Variants in AGMO observed in about 807,000 individuals in gnomAD.
The protein encoded by AGMO is alkylglycerol monooxygenase, also known as glyceryl-ether monooxygenase.
In AGMO, 75 loss-of-function variants were observed where a neutral mutation model predicts 60.2. The ratio of observed to expected loss-of-function variants is 1.25; its 90% CI spans 1.03 to 1.51. The LOEUF (loss-of-function observed/expected upper bound fraction) is 1.51. Ranked by LOEUF, AGMO falls within the 40% of genes most tolerant of loss-of-function variation. The pLI is 0.00. For missense variants in AGMO, 763 were observed against 525.5 expected, an observed-to-expected ratio of 1.45 and a Z score of -4.42; for synonymous variants, 261 against 177.1, an observed-to-expected ratio of 1.47 and a Z score of -3.76.
At chr7:15,526,364 T>C (rs372070985) in intron 3 of AGMO, among the ~76,000 whole-genome samples, 3 of 152,258 alleles carry the variant, frequency 2.0e-5, no homozygotes, top group African/African-American at 4.8e-5. Context: ...TTCTTTTTGC[T>C]GACTCCAAGT....
intron 5 of AGMO, among the ~76,000 whole-genome samples, chr7:15,417,292 T>C (rs1179844766): frequency 6.6e-6 from 1 of 152,132 alleles, no homozygotes; most frequent in Non-Finnish European, 1.5e-5. Flanking sequence ...GTCTCACCAG[T>C]GGCTTTTCTC....
At chr7:15,393,021 G>A (rs973208250) in intron 6 of AGMO, among the ~76,000 whole-genome samples, 1 of 152,210 alleles carries the variant, frequency 6.6e-6, no homozygotes, top group Non-Finnish European at 1.5e-5. Flanking sequence ...GGCTATATGG[G>A]TTCTCAAGGT....
At chr7:15,493,320 G>T (rs1339577173) in intron 3 of AGMO, among the ~76,000 whole-genome samples, 3 of 119,192 alleles carry the variant, frequency 2.5e-5, no homozygotes, top group East Asian at 4.7e-4. Context: ...ACACACACGC[G>T]CACAAACACA....
chr7:15,343,431 A>T (rs74875415), intron 12 of AGMO, among the ~76,000 whole-genome samples: 5,996 of 152,252 alleles, frequency 0.039, 166 homozygotes, highest in Middle Eastern at 0.075. Flanking sequence ...GACAGCCCCA[A>T]ATCTTAGGAT....
intron 10 of AGMO, among the ~76,000 whole-genome samples, chr7:15,373,631 A>C (rs752114660): frequency 5.9e-5 from 9 of 152,188 alleles, no homozygotes; most frequent in East Asian, 1.9e-4. Context: ...TCCACCAAAC[A>C]AACCTCACAA....
chr7:15,168,797 T>C, the AGMO span, among the ~76,000 whole-genome samples: 1 of 152,174 alleles, frequency 6.6e-6, no homozygotes, highest in African/African-American at 2.4e-5. Context: ...AACAACAGAA[T>C]GAAGATGCTT....
At chr7:15,453,035 G>A (rs6461179) in intron 3 of AGMO, among the ~76,000 whole-genome samples, 122,482 of 152,016 alleles carry the variant, frequency 0.81, 50,232 homozygotes, top group African/African-American at 0.87. Flanking sequence ...CACAAAGACA[G>A]AAAGTAGATT....
At chr7:15,420,470 A>G (rs1780895194) in intron 4 of AGMO, among the ~76,000 whole-genome samples, 1 of 152,158 alleles carries the variant, frequency 6.6e-6, no homozygotes, top group Non-Finnish European at 1.5e-5. Flanking sequence ...ATTTCTAACA[A>G]AAAATATAGG....
At chr7:15,331,309 G>C (rs77588282) in intron 12 of AGMO, among the ~76,000 whole-genome samples, 215 of 152,194 alleles carry the variant, frequency 1.4e-3, no homozygotes, top group African/African-American at 5.0e-3. Flanking sequence ...TGATTATTAC[G>C]GCTTAAGCCA....
intron 12 of AGMO, among the ~76,000 whole-genome samples, chr7:15,237,753 C>A (rs986220381): frequency 1.3e-5 from 2 of 152,074 alleles, no homozygotes; most frequent in African/African-American, 4.8e-5. Context: ...CTCAGCTTGA[C>A]CAAAGTGTAG....
chr7:15,230,160 T>G (rs1387433157), intron 12 of AGMO, among the ~76,000 whole-genome samples: 3 of 151,864 alleles, frequency 2.0e-5, no homozygotes, highest in East Asian at 1.9e-4. Context: ...AGGAGGAAAA[T>G]AAGAAGAAAC....
the AGMO span, among the ~76,000 whole-genome samples, chr7:15,123,609 C>T: frequency 2.6e-5 from 4 of 152,008 alleles, no homozygotes; most frequent in Non-Finnish European, 5.9e-5. Context: ...ATAGCTACTC[C>T]TACTTTAAAA....
intron 10 of AGMO, among the ~76,000 whole-genome samples, chr7:15,368,396 G>A (rs945152451): frequency 6.6e-6 from 1 of 152,034 alleles, no homozygotes; most frequent in African/African-American, 2.4e-5. Flanking sequence ...GGTTTTGGCG[G>A]GGAAAAATTT....
chr7:15,454,706 C>A (rs10263272), intron 3 of AGMO, among the ~76,000 whole-genome samples: 23 of 151,950 alleles, frequency 1.5e-4, no homozygotes, highest in African/African-American at 5.6e-4. Context: ...GTGCATTTAA[C>A]CTAATTATAT....
chr7:15,394,824 A>C (rs1784304470), intron 5 of AGMO, among the ~76,000 whole-genome samples: 1 of 152,186 alleles, frequency 6.6e-6, no homozygotes, highest in African/African-American at 2.4e-5. Context: ...TTACCTTTAG[A>C]GGCATGGTCT....
Position 15,418,620 on chromosome 7 carries a change from G to C in AGMO, c.547C>G (p.Pro183Ala), listed in dbSNP as rs773104971. ...FYSPLALFIP[P>A]SVYAVHLQFN... ...TGAAGATGAACAGCATATACTGAAG[G>C]GGGTATGAAGAGGGCCAGGGGAGAG... Residue 183 changes from proline (P) to alanine (A), a missense_variant, in exon 5 of 13, where the codon CCT becomes GCT. Transcript: ENST00000342526. 92 of 1,577,428 alleles carry C rather than the reference G, an allele frequency of 5.8e-5. No individual in the cohort carries two copies. The highest frequency in any genetic ancestry group is 7.4e-5 in the Non-Finnish European group (86 of 1,167,558).
chr7:15,356,953 C>CAAAAAAAAAA (rs917201250), intron 12 of AGMO, among the ~76,000 whole-genome samples: 2 of 68,906 alleles, frequency 2.9e-5, no homozygotes, highest in South Asian at 5.1e-4. Context: ...ACTAAAATTA[C>CAAAAAAAAAA]AAAAAAAAAA....
At chr7:15,340,482 G>C (rs1048419831) in intron 12 of AGMO, among the ~76,000 whole-genome samples, 2 of 152,142 alleles carry the variant, frequency 1.3e-5, no homozygotes, top group Non-Finnish European at 2.9e-5. Flanking sequence ...GGAGGCCTCG[G>C]GGGGAACAAT....
chr7:15,499,918 C>T (rs1422831819), intron 3 of AGMO, among the ~76,000 whole-genome samples: 1 of 97,866 alleles, frequency 1.0e-5, no homozygotes, highest in Admixed American at 1.4e-4. Flanking sequence ...CACACACACA[C>T]ACACACACAC....
Sources: allele counts gnomAD v4.1 joint callset (sites outside exome capture counted in the v4.1 genomes callset), GRCh38; gene constraint gnomAD v4.1.1; transcripts MANE v1.5; gene names NCBI Gene and HGNC (gene_info 2026-07-23, HGNC 2026-07-21).